Variants in DLGAP1 observed in about 807,000 individuals in gnomAD.
The protein encoded by DLGAP1 is DLG associated protein 1, also known as disks large-associated protein 1.
A neutral mutation model predicts 90.8 loss-of-function variants in DLGAP1; 11 were observed. That is an observed-to-expected ratio of 0.12 (90% CI 0.08 to 0.20). The LOEUF is 0.20. DLGAP1 is among the 10% of genes least tolerant of loss of function. DLGAP1 has a pLI of 1.00. For missense variants in DLGAP1, 1,050 were observed against 1,333.8 expected (o/e 0.79, Z 3.31); for synonymous variants, 558 against 540.7 (o/e 1.03, Z -0.44).
At chr18:4,441,662 C>T (rs530738540) in intron 1 of DLGAP1, among the ~76,000 whole-genome samples, 11 of 152,220 alleles carry the variant, frequency 7.2e-5, no homozygotes, top group African/African-American at 2.2e-4. Context: ...GAAAGAATTA[C>T]GGAAAAAATA....
chr18:3,835,360 C>G (rs917516268), intron 4 of DLGAP1, among the ~76,000 whole-genome samples: 1 of 152,146 alleles, frequency 6.6e-6, no homozygotes, highest in South Asian at 2.1e-4. Context: ...AGAAAATATC[C>G]TCCTTTCTGG....
At position 4,430,118 on chromosome 18, in the gene DLGAP1, C is replaced by T. The variant is rs546817522; in HGVS notation, c.-267+24888G>A. Among the ~76,000 whole-genome samples, 12 of 152,190 alleles carry T rather than the reference C, an allele frequency of 7.9e-5. No homozygotes were observed. In the South Asian group the frequency reaches 1.9e-3, roughly 24 times the overall value. On this transcript the variant is annotated intron_variant, in intron 1 of 12. Coordinates refer to ENST00000315677, the MANE Select transcript of DLGAP1 (RefSeq NM_004746.4). ...ACATTCATCATGGAGGACAGGAGGG[C>T]GCTGAGATTAGGAAGCAGAGAGCAC...
chr18:4,068,808 G>A (rs1480588143), intron 2 of DLGAP1, among the ~76,000 whole-genome samples: 1 of 152,178 alleles, frequency 6.6e-6, no homozygotes, highest in Non-Finnish European at 1.5e-5. Context: ...AGGAACTGGG[G>A]AGCACCTTAG....
chr18:3,668,432 C>T (rs979453905), intron 7 of DLGAP1, among the ~76,000 whole-genome samples: 14 of 152,170 alleles, frequency 9.2e-5, no homozygotes, highest in African/African-American at 3.1e-4. Flanking sequence ...CCCCCCTCAG[C>T]CTCCAAGTAG....
intron 1 of DLGAP1, among the ~76,000 whole-genome samples, chr18:4,443,888 A>G (rs572731130): frequency 1.3e-5 from 2 of 152,344 alleles, no homozygotes; most frequent in South Asian, 4.1e-4. Context: ...GAAAACTACA[A>G]AACCCAAATT....
At chr18:4,389,185 G>A (rs1188166791) in intron 1 of DLGAP1, among the ~76,000 whole-genome samples, 3 of 152,084 alleles carry the variant, frequency 2.0e-5, no homozygotes, top group Non-Finnish European at 4.4e-5. Flanking sequence ...TCCTTAAAAA[G>A]GAAGGACATT....
intron 2 of DLGAP1, among the ~76,000 whole-genome samples, chr18:4,119,123 A>G (rs997372076): frequency 2.0e-5 from 3 of 151,786 alleles, no homozygotes; most frequent in African/African-American, 7.3e-5. Context: ...ATGGGGTCTC[A>G]CTTTGTGGTC....
At chr18:4,214,877 G>C (rs2077920343) in intron 1 of DLGAP1, among the ~76,000 whole-genome samples, 1 of 151,898 alleles carries the variant, frequency 6.6e-6, no homozygotes, top group South Asian at 2.1e-4. Context: ...ACAAACACCA[G>C]AATTTTTTCC....
chr18:4,209,550 A>C (rs141483450), intron 1 of DLGAP1, among the ~76,000 whole-genome samples: 1 of 152,188 alleles, frequency 6.6e-6, no homozygotes, highest in Admixed American at 6.5e-5. Flanking sequence ...TCCTGTTTTA[A>C]TTTAGTAAAA....
chr18:3,597,010 A>G, intron 7 of DLGAP1: 1 of 520,006 alleles, frequency 1.9e-6, no homozygotes, highest in Non-Finnish European at 3.8e-6. Flanking sequence ...CTCTCGGCAA[A>G]GGACCGTGGG....
At chr18:4,054,402 GT>G (rs1261555017) in intron 2 of DLGAP1, among the ~76,000 whole-genome samples, 2 of 152,132 alleles carry the variant, frequency 1.3e-5, no homozygotes, top group Admixed American at 6.6e-5. Flanking sequence ...TTTCTTCCAA[GT>G]TGAAAAGAAT....
At chr18:3,788,089 TAAG>T (rs900874127) in intron 5 of DLGAP1, among the ~76,000 whole-genome samples, 3 of 152,194 alleles carry the variant, frequency 2.0e-5, no homozygotes, top group Non-Finnish European at 4.4e-5. Flanking sequence ...TGGATTCCCC[TAAG>T]AAGAATTTAC....
At chr18:3,607,354 T>G (rs2057373744) in intron 7 of DLGAP1, 1 of 151,978 alleles carries the variant, frequency 6.6e-6, no homozygotes, top group African/African-American at 2.4e-5. Context: ...AATGGGGTTT[T>G]GTTTTGTTGC....
In DLGAP1 at chr18:3,497,926, G is replaced by GGCA. The variant is rs1390609925; in HGVS notation, c.*1256_*1258dup. ...CTACCTGGAACCTCAAGATGACAGC[G>GGCA]GCAGCTCTTTTGAATGAGGCAGCAT... On this transcript the variant is annotated 3_prime_UTR_variant, in exon 13 of 13. Coordinates refer to ENST00000315677, the MANE Select transcript of DLGAP1 (RefSeq NM_004746.4). 6.6e-6 allele frequency: 1 copy of GGCA among 152,162 alleles called. No individual in the cohort carries two copies. The highest frequency in any genetic ancestry group is 1.5e-5 in the Non-Finnish European group (1 of 68,038). The allele number at this position is 152,162 out of a possible 1,614,324, so 9.4% of individuals were successfully genotyped here.
intron 1 of DLGAP1, among the ~76,000 whole-genome samples, chr18:4,401,275 T>C (rs1257202970): frequency 6.6e-6 from 1 of 152,226 alleles, no homozygotes; most frequent in Non-Finnish European, 1.5e-5. Context: ...CAGACCCTGG[T>C]TGGATGAAAG....
chr18:4,089,451 C>T (rs1355202472), intron 2 of DLGAP1, among the ~76,000 whole-genome samples: 1 of 152,146 alleles, frequency 6.6e-6, no homozygotes, highest in East Asian at 1.9e-4. Context: ...CAAAAAACTA[C>T]TTTAAAATTC....
chr18:3,838,265 T>C (rs565113861), intron 4 of DLGAP1, among the ~76,000 whole-genome samples: 12 of 152,344 alleles, frequency 7.9e-5, no homozygotes, highest in Non-Finnish European at 1.5e-4. Context: ...AATATCAAAA[T>C]GTCAATTGTT....
chr18:4,304,028 T>A (rs1367234370), intron 1 of DLGAP1, among the ~76,000 whole-genome samples: 3 of 152,250 alleles, frequency 2.0e-5, no homozygotes, highest in African/African-American at 7.2e-5. Context: ...TGAGGACATA[T>A]GCTTTCCCCT....
At chr18:4,399,600 A>G (rs2082510037) in intron 1 of DLGAP1, among the ~76,000 whole-genome samples, 1 of 152,190 alleles carries the variant, frequency 6.6e-6, no homozygotes, top group Non-Finnish European at 1.5e-5. Context: ...ATCTTTCCTC[A>G]GAAATCCTTT....
Sources: gnomAD v4.1 joint callset for allele counts (sites outside exome capture counted in the v4.1 genomes callset) on GRCh38, gnomAD v4.1.1 for gene constraint, MANE v1.5 for transcripts, NCBI Gene and HGNC (gene_info 2026-07-23, HGNC 2026-07-21) for gene names.